Variants in BMPR2 observed in about 807,000 individuals in gnomAD.
BMPR2 encodes the protein bone morphogenetic protein receptor type 2.
BMPR2 carries 29 observed loss-of-function variants against 100.8 expected under a neutral mutation model. The ratio of observed to expected loss-of-function variants is 0.29; its 90% CI spans 0.21 to 0.39. The LOEUF is 0.39. Among genes scored for constraint, BMPR2 ranks in the 10% least tolerant of loss-of-function variants. BMPR2 has a pLI of 1.00. For missense variants in BMPR2, 1,011 were observed against 1,274.5 expected, an observed-to-expected ratio of 0.79 and a Z score of 3.15; for synonymous variants, 382 against 442.3, an observed-to-expected ratio of 0.86 and a Z score of 1.71.
intron 9 of BMPR2, among the ~76,000 whole-genome samples, chr2:202,536,096 G>GGA (rs1423356592): frequency 2.0e-5 from 3 of 151,986 alleles, no homozygotes; most frequent in Admixed American, 1.3e-4. Context: ...GTGGGGAGAG[G>GGA]GAGAGGGAGA....
At chr2:202,528,061 C>T (rs1026571413) in intron 7 of BMPR2, among the ~76,000 whole-genome samples, 1 of 152,072 alleles carries the variant, frequency 6.6e-6, no homozygotes, top group Non-Finnish European at 1.5e-5. Context: ...GTGGCATGCA[C>T]CTGTAGTCCC....
At chr2:202,531,839 G>C (rs974461570) in intron 8 of BMPR2, among the ~76,000 whole-genome samples, 33 of 147,896 alleles carry the variant, frequency 2.2e-4, no homozygotes, top group African/African-American at 7.7e-4. Flanking sequence ...TCCATGTTAG[G>C]GTGGTCTTGA....
At chr2:202,486,990 C>T (rs975567953) in intron 3 of BMPR2, among the ~76,000 whole-genome samples, 2 of 152,158 alleles carry the variant, frequency 1.3e-5, no homozygotes, top group Non-Finnish European at 2.9e-5. Context: ...TGTGTATTCT[C>T]ATGGGTCTTA....
chr2:202,388,417 A>C (rs1368208879), intron 1 of BMPR2, among the ~76,000 whole-genome samples: 1 of 150,584 alleles, frequency 6.6e-6, no homozygotes, highest in Non-Finnish European at 1.5e-5. Flanking sequence ...AAAAAAAAAA[A>C]AAACATTGTT....
chr2:202,424,512 A>G (rs914819377), intron 1 of BMPR2, among the ~76,000 whole-genome samples: 1 of 152,084 alleles, frequency 6.6e-6, no homozygotes, highest in African/African-American at 2.4e-5. Flanking sequence ...CCTGGCCAAC[A>G]CAGTGAAACC....
At chr2:202,450,238 A>G (rs1047710581) in intron 1 of BMPR2, among the ~76,000 whole-genome samples, 1 of 152,210 alleles carries the variant, frequency 6.6e-6, no homozygotes, top group African/African-American at 2.4e-5. Context: ...GCAGGTAGGT[A>G]CCTTATGAAG....
intron 10 of BMPR2, among the ~76,000 whole-genome samples, chr2:202,550,201 C>G (rs1050124855): frequency 1.3e-5 from 2 of 152,014 alleles, no homozygotes; most frequent in African/African-American, 2.4e-5. Flanking sequence ...AACCCCATCT[C>G]TACTAAAAAT....
rs182956290 is a variant in BMPR2 at position 202,470,489 on chromosome 2, C to T, written c.418+2800C>T. Among the ~76,000 whole-genome samples, 332 of 152,190 alleles carry T rather than the reference C, an allele frequency of 2.2e-3. 4 individuals are homozygous for T. The Middle Eastern group carries it at 0.027, about 13-fold the overall frequency. ...AGAAAGTAAGGAAAGAGGCCGGGCGCGGTGGCTCACGCCTGTAATCCCAGC... is the reference window on the plus strand; with the variant it reads ...AGAAAGTAAGGAAAGAGGCCGGGCGTGGTGGCTCACGCCTGTAATCCCAGC... On this transcript the variant is annotated intron_variant, in intron 3 of 12. Transcript: ENST00000374580.
chr2:202,471,210 A>G (rs1237018207), intron 3 of BMPR2, among the ~76,000 whole-genome samples: 4 of 152,222 alleles, frequency 2.6e-5, no homozygotes, highest in African/African-American at 9.6e-5. Context: ...ACTGTGAACC[A>G]CTGGAAGGAA....
chr2:202,559,731 G>A lies in BMPR2; in HGVS notation c.2902G>A (p.Gly968Ser). 6.2e-7 allele frequency: 1 copy of A among 1,614,112 alleles called. No homozygotes were observed. Among genetic ancestry groups the A allele is most frequent in the Non-Finnish European group, 8.5e-7 (1 of 1,180,008 alleles). The change falls in exon 13 of 13, where the codon GGT becomes AGT. Residue 968 changes from glycine (G) to serine (S), a missense_variant. Gly to Ser is a moderately conservative substitution (Grantham distance 56). Coordinates refer to ENST00000374580, the MANE Select transcript of BMPR2 (RefSeq NM_001204.7). ...AACACAAGATGGCAAATCAGGATCA[G>A]GTGAAAAGATCAAGAAACGTGTGAA... ...ESTQDGKSGS[G>S]EKIKKRVKTP... is the part of the protein sequence containing the mutation.
chr2:202,498,185 T>C (rs534610238), intron 3 of BMPR2, among the ~76,000 whole-genome samples: 18 of 152,196 alleles, frequency 1.2e-4, no homozygotes, highest in African/African-American at 4.3e-4. Context: ...CTTAACAGGT[T>C]TTTGAGGATG....
chr2:202,404,756 A>G (rs1000390110), intron 1 of BMPR2, among the ~76,000 whole-genome samples: 1 of 152,174 alleles, frequency 6.6e-6, no homozygotes, highest in African/African-American at 2.4e-5. Flanking sequence ...AGTACCCAAT[A>G]GGTGGTTTTT....
rs1245435003 is a variant in BMPR2 at position 202,561,090 on chromosome 2, C to T, written c.*1144C>T. 6.6e-6 allele frequency: 1 copy of T among 152,014 alleles called. No individual in the cohort carries two copies. Among genetic ancestry groups the T allele is most frequent in the Admixed American group, 6.6e-5 (1 of 15,260 alleles). 9.4% of individuals were successfully genotyped at this position (152,014 alleles called of 1,614,324 possible). On this transcript the variant is annotated 3_prime_UTR_variant, in exon 13 of 13. Transcript: ENST00000374580. ...CCTATAGTATCTTTTACCCTGTTCC[C>T]AAGCAAAGACTGGTGACTTTATCTG...
At chr2:202,388,027 G>A (rs1293335122) in intron 1 of BMPR2, among the ~76,000 whole-genome samples, 1 of 152,056 alleles carries the variant, frequency 6.6e-6, no homozygotes, top group Non-Finnish European at 1.5e-5. Context: ...TTGATGAAAC[G>A]TTATCAAGAA....
chr2:202,402,648 TTGTG>T (rs113771026), intron 1 of BMPR2, among the ~76,000 whole-genome samples: 6 of 146,316 alleles, frequency 4.1e-5, no homozygotes, highest in African/African-American at 7.6e-5. Context: ...AAAACTTGCA[TTGTG>T]TGTGTGTGTG....
chr2:202,545,457 C>A (rs1688359039), intron 10 of BMPR2, among the ~76,000 whole-genome samples: 1 of 151,858 alleles, frequency 6.6e-6, no homozygotes, highest in African/African-American at 2.4e-5. Flanking sequence ...ATGCTTTACA[C>A]AAATTAATTT....
At chr2:202,534,467 G>A (rs1469443981) in intron 9 of BMPR2, among the ~76,000 whole-genome samples, 1 of 151,762 alleles carries the variant, frequency 6.6e-6, no homozygotes, top group Admixed American at 6.6e-5. Context: ...GACTCTTAAC[G>A]AGCATGCTGC....
intron 1 of BMPR2, among the ~76,000 whole-genome samples, chr2:202,396,876 C>G (rs1690667740): frequency 6.6e-6 from 1 of 151,902 alleles, no homozygotes; most frequent in Non-Finnish European, 1.5e-5. Context: ...CGGCTCAAGG[C>G]AACCTCTGCC....
At chr2:202,401,238 A>G (rs1690764273) in intron 1 of BMPR2, among the ~76,000 whole-genome samples, 1 of 152,188 alleles carries the variant, frequency 6.6e-6, no homozygotes. Context: ...CTCCCCTTTT[A>G]TATAAGAGTA....
Sources: allele counts gnomAD v4.1 joint callset (sites outside exome capture counted in the v4.1 genomes callset), GRCh38; gene constraint gnomAD v4.1.1; transcripts MANE v1.5; gene names NCBI Gene and HGNC (gene_info 2026-07-23, HGNC 2026-07-21).